Variants in TNPO2 observed in about 807,000 individuals in gnomAD.
TNPO2 encodes the protein transportin 2.
Under a neutral mutation model 111.1 loss-of-function variants are expected in TNPO2, and 16 were observed. The observed-to-expected ratio is 0.14, with a 90% CI of 0.10 to 0.22. TNPO2 has a LOEUF of 0.22. Ranked by LOEUF, TNPO2 falls within the 10% of genes least tolerant of loss-of-function variation. TNPO2 has a pLI of 1.00. For synonymous variants in TNPO2, 481 were observed against 475.8 expected (o/e 1.01, Z -0.14); for missense variants, 530 against 1,173.7 (o/e 0.45, Z 8.01).
At chr19:12,720,787 T>C (rs1163932611) in intron 3 of TNPO2, 92 bp downstream of exon 3, 2 of 1,460,512 alleles carry the variant, frequency 1.4e-6, no homozygotes, top group African/African-American at 2.9e-5. Flanking sequence ...ATCTGGGGAC[T>C]AGGGGAGTCA....
At chr19:12,710,478 C>CA (rs2025973305) in intron 13 of TNPO2, 143 bp downstream of exon 13, 1 of 996,462 alleles carries the variant, frequency 1.0e-6, no homozygotes, top group Admixed American at 3.2e-5. Flanking sequence ...GCCCAGGAAC[C>CA]AAGGGGAGAA....
Position 12,715,720 on chromosome 19 carries a change from G to T in TNPO2, c.345C>A (p.Ile115=), listed in dbSNP as rs1448034147. 2 of 1,612,226 alleles carry T rather than the reference G, an allele frequency of 1.2e-6. No homozygotes were observed. The highest frequency in any genetic ancestry group is 2.2e-5 in the East Asian group (1 of 44,812). ...ACATCTGCAGCTCACCCTTGGAAGC[G>T]ATGGTGGTGATGAGAATGCCTGGGG... ...RATIGILITT[I]ASKGELQMWP... Residue 115 remains isoleucine, a synonymous_variant, in exon 6 of 26, where the codon ATC becomes ATA. Transcript: ENST00000425528. The surrounding 1 kb of genome is among the most constrained non-coding windows in gnomAD (Gnocchi z 7.1).
In TNPO2 at chr19:12,721,037, T is replaced by A. The variant is rs756321576; in HGVS notation, c.-13-47A>T. On this transcript the variant is annotated intron_variant, in intron 2 of 25. Coordinates refer to ENST00000425528, the MANE Select transcript of TNPO2 (RefSeq NM_001382241.1). The surrounding 1 kb of genome is among the most constrained non-coding windows in gnomAD (Gnocchi z 4.9). Reference sequence around the variant, plus strand: ...TCAGCGCTGGGTCTCTGGGGCTCCGTGTGAGACCCAGGTGGAGCCCCTGAG... The same window carrying A: ...TCAGCGCTGGGTCTCTGGGGCTCCGAGTGAGACCCAGGTGGAGCCCCTGAG... The A allele has an allele frequency of 5.6e-5, 86 of 1,536,322 alleles. No homozygotes were observed. Among genetic ancestry groups the A allele is most frequent in the Non-Finnish European group, 7.1e-5 (81 of 1,146,394 alleles).
Position 12,721,313 on chromosome 19 carries a change from C to A in TNPO2, c.-13-323G>T. 1.6e-6 allele frequency: 2 copies of A among 1,287,868 alleles called. No individual in the cohort carries two copies. The highest frequency in any genetic ancestry group is 1.3e-5 in the South Asian group (1 of 77,810). 79.8% of individuals were successfully genotyped at this position (1,287,868 alleles called of 1,614,324 possible). ...CCATGCCGCTGACCCCGGCTCCGAG[C>A]CCGAAGGCTTCCACCTCCCTCGCAG... On this transcript the variant is annotated intron_variant, in intron 2 of 25. Coordinates refer to ENST00000425528, the MANE Select transcript of TNPO2 (RefSeq NM_001382241.1). This position sits in a 1 kb window ranked among gnomAD's most constrained non-coding sequence, Gnocchi z 4.9.
intron 10 of TNPO2, among the ~76,000 whole-genome samples, chr19:12,713,516 T>TAAATAAAC (rs1555719103): frequency 6.9e-6 from 1 of 145,444 alleles, no homozygotes; most frequent in Non-Finnish European, 1.5e-5. Flanking sequence ...AATAAATAAA[T>TAAATAAAC]AAACATACAA....
rs901879843 is a variant in TNPO2 at position 12,721,048 on chromosome 19, G to C, written c.-13-58C>G. ...TCTCTGGGGCTCCGTGTGAGACCCA[G>C]GTGGAGCCCCTGAGGCCGCGGTGGC... is the stretch of plus-strand genomic sequence containing the variant. On this transcript the variant is annotated intron_variant, in intron 2 of 25. Transcript: ENST00000425528. This position sits in a 1 kb window ranked among gnomAD's most constrained non-coding sequence, Gnocchi z 4.9. 67 of 1,534,788 alleles carry C rather than the reference G, an allele frequency of 4.4e-5. No individual in the cohort carries two copies. The highest frequency in any genetic ancestry group is 5.6e-5 in the Non-Finnish European group (64 of 1,145,826).
chr19:12,704,389 TG>T lies in TNPO2; in HGVS notation c.2023-589del, dbSNP rs199900075. On this transcript the variant is annotated intron_variant, in intron 18 of 25. Transcript: ENST00000425528. ...GTCTCAAAAAACAGGTGGGGGGCGG[TG>T]GGGGGGGCATAGTGTTTGCATATGC... Among the ~76,000 whole-genome samples, 155 of 134,698 alleles carry T rather than the reference TG, an allele frequency of 1.2e-3. 2 individuals are homozygous for T. The East Asian group carries it at 0.032, about 28-fold the overall frequency. The allele number at this position is 134,698 out of a possible 152,430, so 88.4% of individuals were successfully genotyped here.
chr19:12,701,488 G>A lies in TNPO2; in HGVS notation c.2587-35C>T, dbSNP rs765060105. The A allele has an allele frequency of 1.2e-6, 2 of 1,602,940 alleles. No homozygotes were observed. The highest frequency in any genetic ancestry group is 1.7e-6 in the Non-Finnish European group (2 of 1,170,214). ...GGGTGGTGGTGAGGGGTAGGCAGGG[G>A]CAGAACAAGGGGAGTGCGCCTCTTC... is the stretch of plus-strand genomic sequence containing the variant. On this transcript the variant is annotated intron_variant, in intron 24 of 25. Coordinates refer to ENST00000425528, the MANE Select transcript of TNPO2 (RefSeq NM_001382241.1). This position sits in a 1 kb window ranked among gnomAD's most constrained non-coding sequence, Gnocchi z 5.0.
intron 10 of TNPO2, among the ~76,000 whole-genome samples, chr19:12,713,913 C>T (rs2026214288): frequency 6.6e-6 from 1 of 151,898 alleles, no homozygotes; most frequent in Non-Finnish European, 1.5e-5. Flanking sequence ...GCCTGTAATC[C>T]CAGCTACTTG....
At chr19:12,718,938 G>A (rs998608378) in intron 5 of TNPO2, 91 bp downstream of exon 5, 7 of 1,507,000 alleles carry the variant, frequency 4.6e-6, no homozygotes, top group Admixed American at 3.5e-5. Context: ...CATAGAGGGT[G>A]CCAGAGCATT....
At position 12,702,121 on chromosome 19, in the gene TNPO2, C is replaced by A; in HGVS notation, c.2362G>T (p.Val788Leu). The A allele has an allele frequency of 6.2e-7, 1 of 1,613,506 alleles. No homozygotes were observed. Among genetic ancestry groups the A allele is most frequent in the Non-Finnish European group, 8.5e-7 (1 of 1,179,818 alleles). The change falls in exon 22 of 26, where the codon GTG becomes TTG. Residue 788 changes from valine to leucine, a missense_variant. By Grantham distance (32) the Val-to-Leu change is conservative. Coordinates refer to ENST00000425528, the MANE Select transcript of TNPO2 (RefSeq NM_001382241.1). This position sits in a 1 kb window ranked among gnomAD's most constrained non-coding sequence, Gnocchi z 5.5. Reference protein sequence around the residue: ...PAITIGRLGYVCPQEVAPMLQ... With the variant: ...PAITIGRLGYLCPQEVAPMLQ... ...ATGGGTGCCACCTCCTGGGGGCACA[C>A]GTAGCCCAAGCGGCCGATGGTGATG...
In TNPO2 at chr19:12,705,793, G is replaced by A. The variant is rs563024929; in HGVS notation, c.1669-25C>T. The A allele has an allele frequency of 2.1e-6, 3 of 1,436,590 alleles. No homozygotes were observed. The highest frequency in any genetic ancestry group is 1.8e-6 in the Non-Finnish European group (2 of 1,084,230). The allele number at this position is 1,436,590 out of a possible 1,614,324, so 89.0% of individuals were successfully genotyped here. A position where few individuals can be genotyped will look rare whatever the true frequency, so the allele number is the denominator to read the frequency against. The stretch of plus-strand genomic sequence containing the variant: ...CCTGGAGAGGGAGCACGAAATGGGC[G>A]CTCCCTGGGTCGGGGTGGCAGACTG... On this transcript the variant is annotated intron_variant, in intron 15 of 25. Transcript: ENST00000425528. This position sits in a 1 kb window ranked among gnomAD's most constrained non-coding sequence, Gnocchi z 7.2.
intron 10 of TNPO2, among the ~76,000 whole-genome samples, chr19:12,714,559 G>A (rs996278407): frequency 3.9e-5 from 6 of 151,996 alleles, no homozygotes; most frequent in East Asian, 3.9e-4. Context: ...TGATCTGCCC[G>A]CCTCGGCCTC....
rs1271778336 is a variant in TNPO2, at chr19:12,705,506, G to A, written c.1849C>T (p.Leu617=). 2.5e-6 allele frequency: 4 copies of A among 1,598,328 alleles called. No individual in the cohort carries two copies. The highest frequency in any genetic ancestry group is 2.6e-6 in the Non-Finnish European group (3 of 1,173,022). ...GGGTTGCTCACCATGGCCTGAGCCAGTGTCTTCTGCACCAGGGTGACACAG... is the reference window on the plus strand; with the variant it reads ...GGGTTGCTCACCATGGCCTGAGCCAATGTCTTCTGCACCAGGGTGACACAG... ...QRCVTLVQKT[L]AQAMMYTQHP... is the part of the protein sequence containing the mutation. Residue 617 remains leucine (L), a synonymous_variant, in exon 17 of 26, where the codon CTG becomes TTG. Coordinates refer to ENST00000425528, the MANE Select transcript of TNPO2 (RefSeq NM_001382241.1). This position sits in a 1 kb window ranked among gnomAD's most constrained non-coding sequence, Gnocchi z 7.2.
chr19:12,715,746 C>T lies in TNPO2; in HGVS notation c.326-7G>A, dbSNP rs202246498. On this transcript the variant is annotated splice_polypyrimidine_tract_variant and splice_region_variant and intron_variant, in intron 5 of 25. Transcript: ENST00000425528. This position sits in a 1 kb window ranked among gnomAD's most constrained non-coding sequence, Gnocchi z 7.1. Reference sequence around the variant, plus strand: ...ATGGTGGTGATGAGAATGCCTGGGGCGGCCGGGAAAGGACGCTGCCTGAGG... The same window carrying T: ...ATGGTGGTGATGAGAATGCCTGGGGTGGCCGGGAAAGGACGCTGCCTGAGG... 7 of 1,603,668 alleles carry T rather than the reference C, an allele frequency of 4.4e-6. No individual in the cohort carries two copies. Among genetic ancestry groups the T allele is most frequent in the East Asian group, 4.5e-5 (2 of 44,484 alleles).
At chr19:12,709,912 A>C (rs2025944426) in intron 13 of TNPO2, among the ~76,000 whole-genome samples, 1 of 152,228 alleles carries the variant, frequency 6.6e-6, no homozygotes, top group African/African-American at 2.4e-5. Context: ...CACCACAGTA[A>C]CTAGACAAAT....
Position 12,705,434 on chromosome 19 carries a change from GAGC to G in TNPO2, c.1864-39_1864-37del. The stretch of plus-strand genomic sequence containing the variant: ...ATGCCGACAGGGGCACGGGTAAGTG[GAGC>G]AGGCCCGAGGCAGGCCAATGCAGAA... On this transcript the variant is annotated intron_variant, in intron 17 of 25. Transcript: ENST00000425528. The surrounding 1 kb of genome is among the most constrained non-coding windows in gnomAD (Gnocchi z 7.2). 6.3e-7 allele frequency: 1 copy of G among 1,574,850 alleles called. No homozygotes were observed. Among genetic ancestry groups the G allele is most frequent in the Non-Finnish European group, 8.6e-7 (1 of 1,160,212 alleles).
intron 13 of TNPO2, among the ~76,000 whole-genome samples, chr19:12,710,362 G>C (rs929835822): frequency 1.3e-5 from 2 of 152,186 alleles, no homozygotes; most frequent in Non-Finnish European, 2.9e-5. Context: ...TGTGCCTGCT[G>C]TTATTATCAT....
Position 12,715,381 on chromosome 19 carries a change from A to C in TNPO2, c.566+24T>G. ...ACCCTGCCCACTCCAGGCTCCCTGGAAGCCCCCAGGGAGCTGCACCCACCG... is the reference window on the plus strand; with the variant it reads ...ACCCTGCCCACTCCAGGCTCCCTGGCAGCCCCCAGGGAGCTGCACCCACCG... On this transcript the variant is annotated intron_variant, in intron 7 of 25. Coordinates refer to ENST00000425528, the MANE Select transcript of TNPO2 (RefSeq NM_001382241.1). This position sits in a 1 kb window ranked among gnomAD's most constrained non-coding sequence, Gnocchi z 7.1. The C allele has an allele frequency of 6.2e-7, 1 of 1,613,838 alleles. No homozygotes were observed.
Sources: allele counts gnomAD v4.1 joint callset (sites outside exome capture counted in the v4.1 genomes callset), GRCh38; gene constraint gnomAD v4.1.1; non-coding constraint Gnocchi (gnomAD v3.1); transcripts MANE v1.5; gene names NCBI Gene and HGNC (gene_info 2026-07-23, HGNC 2026-07-21).